The following CAP2 variants were observed in gnomAD, a reference collection of about 807,000 sequenced individuals.
CAP2 encodes the protein adenylyl cyclase-associated protein 2.
In CAP2, 24 loss-of-function variants were observed where a neutral mutation model predicts 57.7. The ratio of observed to expected loss-of-function variants is 0.42; its 90% CI spans 0.30 to 0.58. The LOEUF (loss-of-function observed/expected upper bound fraction) is 0.58, where lower values mean the gene tolerates loss of function less well. Ranked by LOEUF, CAP2 falls within the 20% of genes least tolerant of loss-of-function variation. CAP2 has a pLI of 0.22. For missense variants in CAP2, 501 were observed against 590.3 expected (o/e 0.85, Z 1.57); for synonymous variants, 194 against 207.2 (o/e 0.94, Z 0.55).
intron 1 of CAP2, among the ~76,000 whole-genome samples, chr6:17,399,760 G>A (rs1040051324): frequency 1.3e-5 from 2 of 152,182 alleles, no homozygotes; most frequent in Non-Finnish European, 2.9e-5. Flanking sequence ...AGGCCATTCT[G>A]CAATATAGAA....
intron 3 of CAP2, among the ~76,000 whole-genome samples, chr6:17,458,509 G>A (rs1022719199): frequency 1.3e-5 from 2 of 152,094 alleles, no homozygotes; most frequent in African/African-American, 4.8e-5. Flanking sequence ...TAAGGTGTTC[G>A]TTCATTTCAT....
At chr6:17,412,713 GAGTA>G (rs995491154) in intron 1 of CAP2, among the ~76,000 whole-genome samples, 54 of 151,944 alleles carry the variant, frequency 3.6e-4, no homozygotes, top group African/African-American at 1.2e-3. Context: ...AAATGTCAGG[GAGTA>G]AGTATTTCTT....
At chr6:17,414,140 G>A (rs1759215841) in intron 1 of CAP2, among the ~76,000 whole-genome samples, 1 of 151,954 alleles carries the variant, frequency 6.6e-6, no homozygotes. Flanking sequence ...TGGACTTACA[G>A]AGAAATTAGT....
At chr6:17,475,588 T>A (rs1761133445) in intron 4 of CAP2, among the ~76,000 whole-genome samples, 1 of 152,140 alleles carries the variant, frequency 6.6e-6, no homozygotes, top group Non-Finnish European at 1.5e-5. Context: ...GCAACCAGAT[T>A]TGGGTGACAG....
intron 7 of CAP2, among the ~76,000 whole-genome samples, chr6:17,528,106 T>G (rs1002427772): frequency 6.6e-6 from 1 of 152,242 alleles, no homozygotes; most frequent in Non-Finnish European, 1.5e-5. Context: ...ACCTGAGATA[T>G]TCAACCCTTT....
At chr6:17,531,239 C>G (rs1474050109) in intron 7 of CAP2, 12 of 787,434 alleles carry the variant, frequency 1.5e-5, no homozygotes, top group Non-Finnish European at 2.7e-5. Context: ...GCTCTACAAT[C>G]CTCAGCATGT....
chr6:17,402,146 T>C (rs995487587), intron 1 of CAP2, among the ~76,000 whole-genome samples: 1 of 152,214 alleles, frequency 6.6e-6, no homozygotes, highest in Non-Finnish European at 1.5e-5. Context: ...TGTGCTTTTT[T>C]CCTAAGACTA....
chr6:17,430,414 A>G (rs548789511), intron 3 of CAP2, among the ~76,000 whole-genome samples: 2 of 152,394 alleles, frequency 1.3e-5, no homozygotes, highest in South Asian at 2.1e-4. Flanking sequence ...GCATGATTTT[A>G]TAATAGATAT....
At chr6:17,418,381 T>G (rs996443203) in intron 1 of CAP2, among the ~76,000 whole-genome samples, 1 of 152,216 alleles carries the variant, frequency 6.6e-6, no homozygotes, top group Admixed American at 6.5e-5. Context: ...CAGTCTTGCT[T>G]GTGGTGATTT....
intron 7 of CAP2, among the ~76,000 whole-genome samples, chr6:17,524,701 TG>T (rs1436215787): frequency 1.3e-5 from 2 of 152,124 alleles, no homozygotes; most frequent in Admixed American, 1.3e-4. Context: ...TTCCAGGTGT[TG>T]CCATGGCAGT....
chr6:17,436,612 A>G (rs1439539040), intron 3 of CAP2, among the ~76,000 whole-genome samples: 1 of 152,160 alleles, frequency 6.6e-6, no homozygotes, highest in East Asian at 1.9e-4. Flanking sequence ...GCAGAGAGAC[A>G]CGGCCATGCA....
chr6:17,455,729 G>C (rs1212175715), intron 3 of CAP2, among the ~76,000 whole-genome samples: 1 of 152,060 alleles, frequency 6.6e-6, no homozygotes, highest in Non-Finnish European at 1.5e-5. Context: ...TAGAGATGGG[G>C]TTTCACCATA....
intron 4 of CAP2, among the ~76,000 whole-genome samples, chr6:17,487,137 G>A (rs557273033): frequency 6.6e-6 from 1 of 152,280 alleles, no homozygotes; most frequent in East Asian, 1.9e-4. Context: ...TGAAGATACT[G>A]AAGAAAAGAA....
At chr6:17,549,057 A>G (rs1040480092) in intron 11 of CAP2, among the ~76,000 whole-genome samples, 2 of 152,212 alleles carry the variant, frequency 1.3e-5, no homozygotes, top group African/African-American at 4.8e-5. Context: ...TTATATGTTT[A>G]ACAGAAGACA....
chr6:17,533,572 CT>C lies in CAP2; in HGVS notation c.637-5682del, dbSNP rs11398161. ...AATCATAGATGTGCAGCTTTTCTTT[CT>C]TTTTTTTTTTTTTTGAAATGGAGTC... On this transcript the variant is annotated intron_variant, in intron 7 of 12. Transcript: ENST00000229922. 3.0e-3 allele frequency among the ~76,000 whole-genome samples: 411 copies of C among 139,168 alleles called. 2 individuals are homozygous for C. The highest frequency in any genetic ancestry group is 3.7e-3 in the Middle Eastern group (1 of 270). The allele number at this position is 139,168 out of a possible 152,430, so 91.3% of individuals were successfully genotyped here.
At chr6:17,493,392 A>G in intron 4 of CAP2, 1 of 373,620 alleles carries the variant, frequency 2.7e-6, no homozygotes, top group Non-Finnish European at 5.5e-6. Flanking sequence ...AACAAGTTTT[A>G]GGATATAATG....
At chr6:17,493,123 G>A (rs988440657) in intron 4 of CAP2, among the ~76,000 whole-genome samples, 4 of 152,086 alleles carry the variant, frequency 2.6e-5, no homozygotes, top group East Asian at 1.9e-4. Context: ...TTTTATTTCC[G>A]ATTTACCCAG....
intron 8 of CAP2, 65 bp downstream of exon 8, chr6:17,539,523 C>A: frequency 1.6e-6 from 2 of 1,242,576 alleles, no homozygotes; most frequent in South Asian, 1.4e-5. Context: ...CACAAAAGAG[C>A]CGCTGGAGCC....
chr6:17,533,810 C>G (rs1181875962), intron 7 of CAP2, among the ~76,000 whole-genome samples: 1 of 152,130 alleles, frequency 6.6e-6, no homozygotes, highest in Non-Finnish European at 1.5e-5. Flanking sequence ...TCGTGATCCA[C>G]CCACCTCGGC....
Sources: gnomAD v4.1 joint callset for allele counts (sites outside exome capture counted in the v4.1 genomes callset) on GRCh38, gnomAD v4.1.1 for gene constraint, MANE v1.5 for transcripts, NCBI Gene and HGNC (gene_info 2026-07-23, HGNC 2026-07-21) for gene names.